The following PRR16 variants were observed in gnomAD, a reference collection of about 807,000 sequenced individuals.
PRR16 encodes the protein protein Largen.
Under a neutral mutation model 18.2 loss-of-function variants are expected in PRR16, and 6 were observed. The observed-to-expected ratio is 0.33, with a 90% CI of 0.18 to 0.65. The LOEUF (loss-of-function observed/expected upper bound fraction) is 0.65. Ranked by LOEUF, PRR16 falls within the 30% of genes least tolerant of loss-of-function variation. The pLI, the probability that PRR16 is intolerant of heterozygous loss-of-function variation, is 0.74. For synonymous variants in PRR16, 151 were observed against 147.8 expected (o/e 1.02, Z -0.16); for missense variants, 412 against 376.6 (o/e 1.09, Z -0.78).
At chr5:120,793,330 C>T in the PRR16 span, among the ~76,000 whole-genome samples, 1 of 151,492 alleles carries the variant, frequency 6.6e-6, no homozygotes, top group Admixed American at 6.6e-5. Context: ...TAAGACCCTG[C>T]CTCAGAAAAA....
chr5:120,504,462 C>A (rs1449024640), intron 1 of PRR16, among the ~76,000 whole-genome samples: 2 of 152,144 alleles, frequency 1.3e-5, no homozygotes, highest in Non-Finnish European at 2.9e-5. Context: ...TATCTAAAGT[C>A]TTTTTCATCT....
Position 120,613,023 on chromosome 5 carries a change from AAAG to A in PRR16, c.160-72929_160-72927del, listed in dbSNP as rs529260931. Among the ~76,000 whole-genome samples the A allele has an allele frequency of 3.7e-3, 569 of 152,320 alleles. 7 individuals are homozygous for A. The highest frequency in any genetic ancestry group is 0.012 in the African/African-American group (514 of 41,576). ...TCTGTAACTCAAACACTTATTGGGC[AAAG>A]ACAAATAAGCATGAGGTATATGTTT... On this transcript the variant is annotated intron_variant, in intron 1 of 1. Transcript: ENST00000407149.
chr5:120,701,516 G>C, the PRR16 span, among the ~76,000 whole-genome samples: 107 of 152,176 alleles, frequency 7.0e-4, no homozygotes, highest in African/African-American at 2.5e-3. Context: ...TGGGCAGGAG[G>C]GGGAGGGCTA....
chr5:120,738,048 G>A, the PRR16 span, among the ~76,000 whole-genome samples: 1 of 151,956 alleles, frequency 6.6e-6, no homozygotes, highest in African/African-American at 2.4e-5. Context: ...CTAAGAAAAT[G>A]CCTTTTTGGG....
At chr5:120,754,741 A>C in the PRR16 span, among the ~76,000 whole-genome samples, 1 of 147,436 alleles carries the variant, frequency 6.8e-6, no homozygotes, top group East Asian at 2.0e-4. Flanking sequence ...TGTCTTCCTC[A>C]GCAGATGAAT....
intron 1 of PRR16, among the ~76,000 whole-genome samples, chr5:120,594,396 A>G (rs1488472680): frequency 6.6e-6 from 1 of 152,072 alleles, no homozygotes; most frequent in Non-Finnish European, 1.5e-5. Context: ...ACCTAGGAAT[A>G]CAGCTAATCA....
intron 1 of PRR16, among the ~76,000 whole-genome samples, chr5:120,512,954 T>C (rs1750876434): frequency 6.6e-6 from 1 of 152,176 alleles, no homozygotes; most frequent in African/African-American, 2.4e-5. Context: ...GGATTTCCTG[T>C]AAATGGACAG....
intron 1 of PRR16, among the ~76,000 whole-genome samples, chr5:120,598,455 G>A (rs1209828214): frequency 1.3e-5 from 2 of 151,388 alleles, no homozygotes; most frequent in African/African-American, 4.9e-5. Flanking sequence ...TTTGAATCGG[G>A]GTAATATGCA....
the PRR16 span, among the ~76,000 whole-genome samples, chr5:120,782,929 T>C: frequency 6.6e-6 from 1 of 152,140 alleles, no homozygotes; most frequent in Non-Finnish European, 1.5e-5. Flanking sequence ...AAGATTTAAA[T>C]TGTCATCTCT....
rs533980172 is a variant in PRR16, at chr5:120,492,520, A to G, written c.159+27875A>G. Among the ~76,000 whole-genome samples the G allele has an allele frequency of 1.6e-3, 239 of 152,166 alleles. 3 individuals carry two copies. In the South Asian group the frequency reaches 0.047, roughly 30 times the overall value. ...GGTTTTTAGTTTAAAAGCCATATTGATTGTGTTATAGACCACTCTTTTAAT... is the reference window on the plus strand; with the variant it reads ...GGTTTTTAGTTTAAAAGCCATATTGGTTGTGTTATAGACCACTCTTTTAAT... On this transcript the variant is annotated intron_variant, in intron 1 of 1. Transcript: ENST00000407149.
chr5:120,761,487 G>A, the PRR16 span, among the ~76,000 whole-genome samples: 3 of 152,086 alleles, frequency 2.0e-5, no homozygotes, highest in Non-Finnish European at 2.9e-5. Flanking sequence ...CGTGGTATTA[G>A]CAATCATGCA....
At chr5:120,575,947 A>G (rs1753062779) in intron 1 of PRR16, among the ~76,000 whole-genome samples, 1 of 152,196 alleles carries the variant, frequency 6.6e-6, no homozygotes, top group Admixed American at 6.6e-5. Flanking sequence ...CCTCTGCAAT[A>G]AATAGTGCTG....
intron 1 of PRR16, among the ~76,000 whole-genome samples, chr5:120,650,827 C>A (rs548693579): frequency 1.4e-3 from 218 of 152,188 alleles, no homozygotes; most frequent in Non-Finnish European, 2.5e-3. Context: ...ATTTATAGTC[C>A]TTTGGGTATA....
Position 120,686,158 on chromosome 5 carries a change from C to T in PRR16, c.364C>T (p.Pro122Ser), listed in dbSNP as rs377136885. ...CCTCACGGTCCTGAGAAAGCCAAAC[C>T]CTCCACCACCTCCTCCAAGGTTGAC... ...AILTVLRKPN[P>S]PPPPPRLTPV... The change falls in exon 2 of 2, where the codon CCT becomes TCT. Residue 122 changes from proline to serine, a missense_variant. By Grantham distance (74) the Pro-to-Ser change is moderately conservative (BLOSUM62 -1). Coordinates refer to ENST00000407149, the MANE Select transcript of PRR16 (RefSeq NM_001300783.2). 1.9e-6 allele frequency: 3 copies of T among 1,614,006 alleles called. No homozygotes were observed. Among genetic ancestry groups the T allele is most frequent in the Non-Finnish European group, 2.5e-6 (3 of 1,180,016 alleles).
chr5:120,748,986 GA>G, the PRR16 span, among the ~76,000 whole-genome samples: 1 of 152,028 alleles, frequency 6.6e-6, no homozygotes, highest in African/African-American at 2.4e-5. Flanking sequence ...TACTCCTGCT[GA>G]AAAAAATTCT....
chr5:120,626,675 A>G (rs1407571302), intron 1 of PRR16, among the ~76,000 whole-genome samples: 1 of 152,160 alleles, frequency 6.6e-6, no homozygotes, highest in East Asian at 1.9e-4. Flanking sequence ...CAGAAGTACC[A>G]TAGTTTAATG....
the PRR16 span, among the ~76,000 whole-genome samples, chr5:120,700,783 TGA>T: frequency 2.0e-5 from 3 of 152,028 alleles, no homozygotes; most frequent in African/African-American, 7.2e-5. Flanking sequence ...CCTTCCACTG[TGA>T]GAGTTACCCA....
chr5:120,549,112 G>T (rs1752168888), intron 1 of PRR16, among the ~76,000 whole-genome samples: 1 of 151,810 alleles, frequency 6.6e-6, no homozygotes, highest in Non-Finnish European at 1.5e-5. Context: ...CTCTTTTATT[G>T]ATTGATTGAT....
At chr5:120,663,109 T>C (rs1472193502) in intron 1 of PRR16, among the ~76,000 whole-genome samples, 1 of 152,170 alleles carries the variant, frequency 6.6e-6, no homozygotes, top group Non-Finnish European at 1.5e-5. Context: ...TCTTTGGTAT[T>C]CTTTGTGAAA....
Sources: allele counts gnomAD v4.1 joint callset (sites outside exome capture counted in the v4.1 genomes callset), GRCh38; gene constraint gnomAD v4.1.1; transcripts MANE v1.5; gene names NCBI Gene and HGNC (gene_info 2026-07-23, HGNC 2026-07-21).